WDPCP: variants seen among roughly 807,000 people sequenced by gnomAD.
WDPCP encodes WD repeat containing planar cell polarity effector.
A neutral mutation model predicts 93.1 loss-of-function variants in WDPCP; 71 were observed. That is an observed-to-expected ratio of 0.76 (90% CI 0.63 to 0.93). The LOEUF (loss-of-function observed/expected upper bound fraction) is 0.93, where lower values mean the gene tolerates loss of function less well. WDPCP is among the 40% of genes least tolerant of loss of function. The pLI, the probability that WDPCP is intolerant of heterozygous loss-of-function variation, is 0.00. For missense variants in WDPCP, 844 were observed against 887.4 expected (o/e 0.95, Z 0.62); for synonymous variants, 315 against 315.0 (o/e 1.00, Z 0.00).
intron 10 of WDPCP, among the ~76,000 whole-genome samples, chr2:63,396,726 T>C (rs1316734661): frequency 6.6e-6 from 1 of 152,066 alleles, no homozygotes; most frequent in Non-Finnish European, 1.5e-5. Context: ...TAAACTCATA[T>C]CATGGGGGCC....
intron 6 of WDPCP, chr2:63,442,130 C>T (rs895085054): frequency 4.6e-5 from 7 of 152,016 alleles, no homozygotes; most frequent in African/African-American, 9.7e-5. Flanking sequence ...TAGCACCCAC[C>T]TCAAATATTC....
chr2:63,576,320 T>G (rs1708112402), intron 1 of WDPCP, among the ~76,000 whole-genome samples: 1 of 152,168 alleles, frequency 6.6e-6, no homozygotes, highest in Non-Finnish European at 1.5e-5. Context: ...AGGGTTCCCA[T>G]GAACCCCTTT....
chr2:63,217,011 A>T (rs1009961272), intron 14 of WDPCP, among the ~76,000 whole-genome samples: 1 of 152,224 alleles, frequency 6.6e-6, no homozygotes, highest in African/African-American at 2.4e-5. Context: ...TTAAAAAAAT[A>T]CCTCAGTGAT....
rs555105580 is a variant in WDPCP at position 63,435,189 on chromosome 2, T to C, written c.634-1253A>G. Among the ~76,000 whole-genome samples the C allele has an allele frequency of 7.2e-5, 11 of 152,240 alleles. No individual in the cohort carries two copies. In the South Asian group the frequency reaches 2.3e-3, roughly 32 times the overall value. On this transcript the variant is annotated intron_variant, in intron 8 of 17. Coordinates refer to ENST00000272321, the MANE Select transcript of WDPCP (RefSeq NM_015910.7). Reference sequence around the variant, plus strand: ...TCACTGTTAAATAAATTGAATTGGATTTTTTTCAGATGTAGACAGGAAAAC... The same window carrying C: ...TCACTGTTAAATAAATTGAATTGGACTTTTTTCAGATGTAGACAGGAAAAC...
intron 1 of WDPCP, chr2:63,518,578 G>A (rs1325753007): frequency 1.3e-5 from 2 of 152,798 alleles, no homozygotes; most frequent in Admixed American, 6.5e-5. Context: ...AACATCTGTA[G>A]TGGAGCATGG....
intron 15 of WDPCP, among the ~76,000 whole-genome samples, chr2:63,173,099 TAAAAATA>T (rs1415115953): frequency 7.3e-5 from 11 of 151,690 alleles, no homozygotes; most frequent in Admixed American, 2.0e-4. Flanking sequence ...CTGTCTCTAC[TAAAAATA>T]AAAAATAAAA....
intron 14 of WDPCP, among the ~76,000 whole-genome samples, chr2:63,247,533 A>G (rs1324908492): frequency 6.6e-6 from 1 of 152,214 alleles, no homozygotes; most frequent in Non-Finnish European, 1.5e-5. Flanking sequence ...GGTTCAATGT[A>G]GACAGCTTTG....
intron 3 of WDPCP, among the ~76,000 whole-genome samples, chr2:63,614,768 G>T (rs1020783290): frequency 2.0e-5 from 3 of 152,178 alleles, no homozygotes; most frequent in African/African-American, 7.2e-5. Flanking sequence ...TACCTTGGAG[G>T]ATGAAATGCT....
chr2:63,163,705 G>T (rs1574770331), intron 15 of WDPCP, among the ~76,000 whole-genome samples: 1 of 152,004 alleles, frequency 6.6e-6, no homozygotes, highest in East Asian at 1.9e-4. Flanking sequence ...GGGACAGTTT[G>T]TTTTGAGCCA....
At chr2:63,679,458 C>A (rs1710463294) in intron 2 of WDPCP, among the ~76,000 whole-genome samples, 1 of 152,130 alleles carries the variant, frequency 6.6e-6, no homozygotes, top group Non-Finnish European at 1.5e-5. Context: ...GGAGTCACTT[C>A]CTTGGTTGAG....
At chr2:63,805,531 T>C (rs572722531) in intron 2 of WDPCP, among the ~76,000 whole-genome samples, 35 of 152,264 alleles carry the variant, frequency 2.3e-4, no homozygotes, top group African/African-American at 8.4e-4. Flanking sequence ...TTTTGATAGA[T>C]TCACTCCACC....
At chr2:63,415,935 T>C (rs1000219239) in intron 9 of WDPCP, among the ~76,000 whole-genome samples, 1 of 152,210 alleles carries the variant, frequency 6.6e-6, no homozygotes, top group Admixed American at 6.5e-5. Flanking sequence ...TTGAAAAAGT[T>C]TGGAAGGGGA....
At position 63,503,653 on chromosome 2, in the gene WDPCP, A is replaced by T. The variant is rs550140126; in HGVS notation, c.76-10713T>A. Among the ~76,000 whole-genome samples, 11 of 152,300 alleles carry T rather than the reference A, an allele frequency of 7.2e-5. No individual in the cohort carries two copies. In the South Asian group the frequency reaches 2.1e-3, roughly 29 times the overall value. On this transcript the variant is annotated intron_variant, in intron 1 of 17. Coordinates refer to ENST00000272321, the MANE Select transcript of WDPCP (RefSeq NM_015910.7). ...AAAACAGAAATGTTAGCAATGTAAC[A>T]ATGATAATTAATTCTAGATTAAAAC...
At chr2:63,332,007 T>C (rs936411327) in intron 12 of WDPCP, among the ~76,000 whole-genome samples, 1 of 151,964 alleles carries the variant, frequency 6.6e-6, no homozygotes, top group African/African-American at 2.4e-5. Flanking sequence ...GGGCCTGTTA[T>C]GAATAATGGT....
intron 2 of WDPCP, among the ~76,000 whole-genome samples, chr2:63,727,090 G>C (rs1558895966): frequency 6.6e-6 from 1 of 152,134 alleles, no homozygotes; most frequent in Non-Finnish European, 1.5e-5. Flanking sequence ...ATGTTGAATA[G>C]GAGTGGTGAG....
rs76457883 is a variant in WDPCP, at chr2:63,531,458, A to G, written c.76-38518T>C. Among the ~76,000 whole-genome samples the G allele has an allele frequency of 5.9e-3, 893 of 152,270 alleles. 13 individuals are homozygous for G. The highest frequency in any genetic ancestry group is 0.02 in the African/African-American group (851 of 41,556). ...TCCCAGTAGGGCTGACAGACACCTC[A>G]TACAGCTGGGTGCCCCTCTAAGATG... On this transcript the variant is annotated intron_variant, in intron 1 of 17. Transcript: ENST00000272321.
At chr2:63,453,537 G>A (rs1698409476) in intron 6 of WDPCP, among the ~76,000 whole-genome samples, 1 of 152,158 alleles carries the variant, frequency 6.6e-6, no homozygotes, top group African/African-American at 2.4e-5. Context: ...ACAGTGTGGC[G>A]ATTCCTCAAG....
At chr2:63,464,879 G>A (rs1276310928) in intron 6 of WDPCP, among the ~76,000 whole-genome samples, 1 of 152,058 alleles carries the variant, frequency 6.6e-6, no homozygotes, top group Non-Finnish European at 1.5e-5. Flanking sequence ...ACCAGGGGTT[G>A]AGGGGAGGGG....
intron 13 of WDPCP, among the ~76,000 whole-genome samples, chr2:63,282,544 G>A (rs1342860191): frequency 6.6e-6 from 1 of 152,002 alleles, no homozygotes; most frequent in Non-Finnish European, 1.5e-5. Context: ...TAGATCGATG[G>A]AACAGAATAG....
Sources: gnomAD v4.1 joint callset for allele counts (sites outside exome capture counted in the v4.1 genomes callset) on GRCh38, gnomAD v4.1.1 for gene constraint, MANE v1.5 for transcripts, NCBI Gene and HGNC (gene_info 2026-07-23, HGNC 2026-07-21) for gene names.